Variants in NCOA2 observed in about 807,000 individuals in gnomAD.
The protein encoded by NCOA2 is nuclear receptor coactivator 2, also known as class E basic helix-loop-helix protein 75.
NCOA2 carries 21 observed loss-of-function variants against 145.1 expected under a neutral mutation model. That is an observed-to-expected ratio of 0.14 (90% CI 0.10 to 0.21). NCOA2 has a LOEUF of 0.21. Among genes scored for constraint, NCOA2 ranks in the 10% least tolerant of loss-of-function variants. The pLI, the probability that NCOA2 is intolerant of heterozygous loss-of-function variation, is 1.00. For missense variants in NCOA2, 1,472 were observed against 1,837.6 expected (o/e 0.80, Z 3.64); for synonymous variants, 619 against 637.5 (o/e 0.97, Z 0.44).
At chr8:70,315,939 T>TG (rs1454821501) in intron 1 of NCOA2, among the ~76,000 whole-genome samples, 4 of 152,278 alleles carry the variant, frequency 2.6e-5, no homozygotes, top group African/African-American at 9.6e-5. Flanking sequence ...ACTGCCCTGC[T>TG]GGGGTATAAT....
chr8:70,445,475 A>G, the NCOA2 span, among the ~76,000 whole-genome samples: 4 of 152,368 alleles, frequency 2.6e-5, no homozygotes, highest in Admixed American at 6.5e-5. Context: ...AACGAGAGAA[A>G]GAGGAGGAGC....
intron 1 of NCOA2, among the ~76,000 whole-genome samples, chr8:70,300,967 T>C (rs990144105): frequency 7.2e-5 from 11 of 152,154 alleles, no homozygotes; most frequent in African/African-American, 2.7e-4. Flanking sequence ...GAAACCTAAC[T>C]GGGGAGTGAA....
chr8:70,383,465 T>TA (rs1313930986), intron 1 of NCOA2, among the ~76,000 whole-genome samples: 4 of 152,210 alleles, frequency 2.6e-5, no homozygotes, highest in African/African-American at 9.6e-5. Flanking sequence ...GTTATGTTCT[T>TA]ACAGAAGAGG....
the NCOA2 span, among the ~76,000 whole-genome samples, chr8:70,409,410 G>C: frequency 2.0e-5 from 3 of 152,162 alleles, no homozygotes; most frequent in Non-Finnish European, 4.4e-5. Context: ...CAAACTTATA[G>C]TCAATGAATT....
chr8:70,239,345 C>T (rs1821925772), intron 2 of NCOA2, among the ~76,000 whole-genome samples: 1 of 152,120 alleles, frequency 6.6e-6, no homozygotes, highest in Admixed American at 6.6e-5. Flanking sequence ...AGACTAACCT[C>T]TACCAACCAC....
At position 70,301,095 on chromosome 8, in the gene NCOA2, C is replaced by T. The variant is rs182146507; in HGVS notation, c.-76-4295G>A. 6.6e-5 allele frequency among the ~76,000 whole-genome samples: 10 copies of T among 152,266 alleles called. 1 individual carries two copies. Among genetic ancestry groups the T allele is most frequent in the Middle Eastern group, 3.4e-3 (1 of 294 alleles). On this transcript the variant is annotated intron_variant, in intron 1 of 22. Coordinates refer to ENST00000452400, the MANE Select transcript of NCOA2 (RefSeq NM_006540.4). ...CCCAGTAGGCTGTTACAGAAGGTCA[C>T]TGTTTTGATAATGCTATTTTTGCCA...
intron 21 of NCOA2, 133 bp downstream of exon 21, chr8:70,123,751 G>C: frequency 1.5e-6 from 1 of 655,786 alleles, no homozygotes; most frequent in Non-Finnish European, 2.4e-6. Context: ...CAGGTGAAGG[G>C]TGAAAAACAC....
chr8:70,298,437 A>G (rs892675407), intron 1 of NCOA2, among the ~76,000 whole-genome samples: 1 of 152,244 alleles, frequency 6.6e-6, no homozygotes, highest in African/African-American at 2.4e-5. Context: ...TATGCAAATA[A>G]GAAGTTATCA....
chr8:70,364,489 G>A (rs1411943992), intron 1 of NCOA2, among the ~76,000 whole-genome samples: 1 of 152,116 alleles, frequency 6.6e-6, no homozygotes, highest in Non-Finnish European at 1.5e-5. Context: ...AAACAGCGTC[G>A]AGGAACCTTG....
chr8:70,272,041 G>A (rs1478801496), intron 2 of NCOA2, among the ~76,000 whole-genome samples: 1 of 152,156 alleles, frequency 6.6e-6, no homozygotes, highest in Non-Finnish European at 1.5e-5. Flanking sequence ...TTTAAAGTAC[G>A]TATTTATTGT....
chr8:70,367,155 C>T (rs757991051), intron 1 of NCOA2, among the ~76,000 whole-genome samples: 1 of 152,166 alleles, frequency 6.6e-6, no homozygotes, highest in African/African-American at 2.4e-5. Context: ...TAGAAATAAA[C>T]ACAAGTTACT....
At chr8:70,318,976 C>A (rs903842119) in intron 1 of NCOA2, among the ~76,000 whole-genome samples, 7 of 152,202 alleles carry the variant, frequency 4.6e-5, no homozygotes, top group Non-Finnish European at 1.0e-4. Context: ...CCATTGACCT[C>A]TGACAAAAGG....
chr8:70,221,472 A>G (rs1586155656), intron 2 of NCOA2, among the ~76,000 whole-genome samples: 1 of 152,192 alleles, frequency 6.6e-6, no homozygotes, highest in Non-Finnish European at 1.5e-5. Flanking sequence ...CCAGGCTCTG[A>G]TAAGTCTAAA....
the NCOA2 span, among the ~76,000 whole-genome samples, chr8:70,417,277 AG>A: frequency 7.0e-6 from 1 of 142,438 alleles, no homozygotes; most frequent in Non-Finnish European, 1.5e-5. Flanking sequence ...GGCCAGGCGC[AG>A]GGGCTCATGC....
intron 11 of NCOA2, among the ~76,000 whole-genome samples, chr8:70,153,529 CA>C (rs1357268184): frequency 6.6e-6 from 1 of 152,154 alleles, no homozygotes; most frequent in East Asian, 1.9e-4. Flanking sequence ...GGCCTCAGAT[CA>C]GGCCTAGGAT....
chr8:70,439,601 G>C, the NCOA2 span, among the ~76,000 whole-genome samples: 1 of 152,240 alleles, frequency 6.6e-6, no homozygotes, highest in African/African-American at 2.4e-5. Context: ...CTGTCAGATA[G>C]AGAAGGAAGA....
intron 18 of NCOA2, among the ~76,000 whole-genome samples, chr8:70,128,070 AAC>A (rs1313628865): frequency 1.3e-5 from 2 of 152,198 alleles, no homozygotes; most frequent in African/African-American, 4.8e-5. Context: ...TTTAAACAGA[AAC>A]ACACATAAAA....
At chr8:70,239,880 G>T (rs1193479257) in intron 2 of NCOA2, among the ~76,000 whole-genome samples, 2 of 152,216 alleles carry the variant, frequency 1.3e-5, no homozygotes, top group African/African-American at 4.8e-5. Flanking sequence ...GTGAGAGTGT[G>T]AACAGGTTGG....
At chr8:70,360,827 A>G (rs1479988657) in intron 1 of NCOA2, among the ~76,000 whole-genome samples, 1 of 151,836 alleles carries the variant, frequency 6.6e-6, no homozygotes. Context: ...AATTCCAGCT[A>G]CCAGGGAGGC....
Sources: gnomAD v4.1 joint callset for allele counts (sites outside exome capture counted in the v4.1 genomes callset) on GRCh38, gnomAD v4.1.1 for gene constraint, MANE v1.5 for transcripts, NCBI Gene and HGNC (gene_info 2026-07-23, HGNC 2026-07-21) for gene names.